The following RICTOR variants were observed in gnomAD, a reference collection of about 807,000 sequenced individuals.
RICTOR encodes rapamycin-insensitive companion of mTOR.
A neutral mutation model predicts 214.9 loss-of-function variants in RICTOR; 49 were observed. That is an observed-to-expected ratio of 0.23 (90% CI 0.18 to 0.29). The LOEUF (loss-of-function observed/expected upper bound fraction) is 0.29, where lower values mean the gene tolerates loss of function less well. Among genes scored for constraint, RICTOR ranks in the 10% least tolerant of loss-of-function variants. The pLI is 1.00. For missense variants in RICTOR, 1,625 were observed against 2,047.0 expected, an observed-to-expected ratio of 0.79 and a Z score of 3.98; for synonymous variants, 717 against 711.3, an observed-to-expected ratio of 1.01 and a Z score of -0.13.
At chr5:39,002,737 A>G (rs937207276) in intron 4 of RICTOR, 71 bp from the exon 5 acceptor site, 2 of 1,460,880 alleles carry the variant, frequency 1.4e-6, no homozygotes, top group African/African-American at 2.9e-5. Context: ...ATATTACCAA[A>G]TTATTCCTCA....
intron 22 of RICTOR, 100 bp downstream of exon 22, chr5:38,959,095 C>A: frequency 1.1e-6 from 1 of 938,220 alleles, no homozygotes; most frequent in Non-Finnish European, 1.5e-6. Flanking sequence ...ACTCAATTTC[C>A]ATATCATATT....
intron 2 of RICTOR, among the ~76,000 whole-genome samples, chr5:39,066,751 T>C (rs1369638466): frequency 6.6e-6 from 1 of 152,236 alleles, no homozygotes; most frequent in Non-Finnish European, 1.5e-5. Context: ...AGGTCATCAC[T>C]CTCAAGTTCA....
intron 36 of RICTOR, chr5:38,944,209 A>G: frequency 3.4e-6 from 2 of 591,078 alleles, no homozygotes; most frequent in Non-Finnish European, 6.3e-6. Flanking sequence ...AGATCTCTTC[A>G]AAAGTCTGGC....
At chr5:39,023,371 A>G (rs1272934543) in intron 2 of RICTOR, among the ~76,000 whole-genome samples, 1 of 148,558 alleles carries the variant, frequency 6.7e-6, no homozygotes, top group African/African-American at 2.4e-5. Flanking sequence ...AAAAAAGATA[A>G]CAACGGATTT....
intron 25 of RICTOR, among the ~76,000 whole-genome samples, chr5:38,956,370 T>C (rs926690298): frequency 6.6e-6 from 1 of 152,110 alleles, no homozygotes; most frequent in African/African-American, 2.4e-5. Context: ...TGATATAATA[T>C]GGCTTACGAG....
intron 31 of RICTOR, among the ~76,000 whole-genome samples, chr5:38,948,616 C>T (rs1748433259): frequency 6.6e-6 from 1 of 152,030 alleles, no homozygotes; most frequent in Admixed American, 6.6e-5. Flanking sequence ...CAATCTCCAC[C>T]AGATGAGGTA....
chr5:39,006,555 A>T (rs1395852413), intron 3 of RICTOR, among the ~76,000 whole-genome samples: 1 of 151,828 alleles, frequency 6.6e-6, no homozygotes. Flanking sequence ...AACCAAAGTG[A>T]TCAACATATC....
chr5:39,029,940 A>G (rs181139130), intron 2 of RICTOR, among the ~76,000 whole-genome samples: 4 of 152,210 alleles, frequency 2.6e-5, no homozygotes, highest in Admixed American at 6.5e-5. Context: ...TTAACACATT[A>G]GTCTATTTAA....
chr5:38,944,419 TA>T, intron 36 of RICTOR, 26 bp downstream of exon 36: 1 of 1,582,430 alleles, frequency 6.3e-7, no homozygotes. Context: ...AATAAACAAA[TA>T]ATACTCATGC....
intron 9 of RICTOR, 37 bp downstream of exon 9, chr5:38,978,546 A>G (rs756226881): frequency 1.9e-6 from 2 of 1,077,758 alleles, no homozygotes; most frequent in Non-Finnish European, 1.4e-6. Context: ...TAACATATAC[A>G]TTATCTTAAA....
chr5:38,956,939 A>G (rs1467251523), intron 25 of RICTOR, among the ~76,000 whole-genome samples: 2 of 152,118 alleles, frequency 1.3e-5, no homozygotes, highest in Non-Finnish European at 2.9e-5. Flanking sequence ...AGACACTATA[A>G]AAGAATGTGT....
chr5:39,053,871 C>T (rs1326960668), intron 2 of RICTOR, among the ~76,000 whole-genome samples: 1 of 120,806 alleles, frequency 8.3e-6, no homozygotes, highest in African/African-American at 3.6e-5. Context: ...CCAGCCTGGG[C>T]GACAGCGAGA....
chr5:39,060,961 C>T (rs767524514), intron 2 of RICTOR, among the ~76,000 whole-genome samples: 5 of 152,058 alleles, frequency 3.3e-5, no homozygotes, highest in East Asian at 3.9e-4. Context: ...ATCAGTTACA[C>T]AGGTGTATTA....
chr5:38,978,631 G>A lies in RICTOR; in HGVS notation c.773C>T (p.Thr258Ile), dbSNP rs761684051. 1 of 1,548,594 alleles carries A rather than the reference G, an allele frequency of 6.5e-7. No homozygotes were observed. The highest frequency in any genetic ancestry group is 8.9e-7 in the Non-Finnish European group (1 of 1,129,510). The part of the protein sequence containing the change: ...VELERILAPY[T>I]DFHYRHSPDT... Reference sequence around the variant, plus strand: ...TGGACTATGTCTGTAGTGAAAATCAGTATAGGGTGCTAAAATTCTCTATTT... The same window carrying A: ...TGGACTATGTCTGTAGTGAAAATCAATATAGGGTGCTAAAATTCTCTATTT... Residue 258 changes from threonine (T) to isoleucine (I), a missense_variant, in exon 9 of 38, where the codon ACT becomes ATT. Physicochemically the swap from Thr to Ile is moderately conservative, Grantham distance 89. Coordinates refer to ENST00000357387, the MANE Select transcript of RICTOR (RefSeq NM_152756.5).
At chr5:39,017,708 A>C (rs1312462643) in intron 3 of RICTOR, among the ~76,000 whole-genome samples, 1 of 152,168 alleles carries the variant, frequency 6.6e-6, no homozygotes, top group African/African-American at 2.4e-5. Flanking sequence ...ACAATACTAC[A>C]TAAAAAATTG....
intron 6 of RICTOR, among the ~76,000 whole-genome samples, chr5:38,993,313 T>C (rs1752923931): frequency 6.6e-6 from 1 of 152,152 alleles, no homozygotes; most frequent in South Asian, 2.1e-4. Flanking sequence ...AGAAACTATA[T>C]ATGAAAAAAA....
intron 2 of RICTOR, among the ~76,000 whole-genome samples, chr5:39,044,785 G>A (rs1188565823): frequency 6.6e-6 from 1 of 152,150 alleles, no homozygotes; most frequent in Admixed American, 6.6e-5. Context: ...TAAGCCTGCT[G>A]TCTACCTTCA....
chr5:39,070,514 A>G (rs1759245566), intron 2 of RICTOR, among the ~76,000 whole-genome samples: 1 of 152,164 alleles, frequency 6.6e-6, no homozygotes, highest in South Asian at 2.1e-4. Context: ...AATCTACATC[A>G]TTTTGGAACC....
At chr5:38,968,670 C>T (rs1055873413) in intron 11 of RICTOR, among the ~76,000 whole-genome samples, 1 of 149,892 alleles carries the variant, frequency 6.7e-6, no homozygotes, top group East Asian at 2.0e-4. Context: ...TCGAGGAGTT[C>T]GAGGATGCAG....
Sources: allele counts gnomAD v4.1 joint callset (sites outside exome capture counted in the v4.1 genomes callset), GRCh38; gene constraint gnomAD v4.1.1; transcripts MANE v1.5; gene names NCBI Gene and HGNC (gene_info 2026-07-23, HGNC 2026-07-21).